Variants in RTEL1 observed in about 807,000 individuals in gnomAD.
The protein encoded by RTEL1 is regulator of telomere length.
A neutral mutation model predicts 162.2 loss-of-function variants in RTEL1; 86 were observed. The ratio of observed to expected loss-of-function variants is 0.53; its 90% CI spans 0.45 to 0.63. RTEL1 has a LOEUF of 0.63. Ranked by LOEUF, RTEL1 falls within the 30% of genes least tolerant of loss-of-function variation. The probability of loss-of-function intolerance (pLI) is 0.00; values close to 1 mark genes in which losing one functional copy is unlikely to be tolerated. For synonymous variants in RTEL1, 958 were observed against 717.9 expected, an observed-to-expected ratio of 1.33 and a Z score of -5.35; for missense variants, 1,941 against 1,750.2, an observed-to-expected ratio of 1.11 and a Z score of -1.95.
intron 26 of RTEL1, 53 bp downstream of exon 26, chr20:63,690,494 G>GGT: frequency 2.2e-6 from 3 of 1,336,826 alleles, no homozygotes; most frequent in Non-Finnish European, 3.0e-6. Flanking sequence ...AGCGGGCGGC[G>GGT]TGGGGCGGGC....
In RTEL1 at chr20:63,682,267, C is replaced by T. The variant is rs369156431; in HGVS notation, c.1191+1548C>T. On this transcript the variant is annotated intron_variant, in intron 14 of 34. Coordinates refer to ENST00000360203, the MANE Select transcript of RTEL1 (RefSeq NM_001283009.2). ...AAGACTCCACACTCTGGAACCGAAT[C>T]CTGGAACGCGGCCTCCCAGGCCCCC... The T allele has an allele frequency of 6.2e-4, 608 of 977,966 alleles. 2 individuals are homozygous for T. Among genetic ancestry groups the T allele is most frequent in the South Asian group, 1.9e-3 (39 of 20,998 alleles). 60.6% of individuals were successfully genotyped at this position (977,966 alleles called of 1,614,324 possible). A position where few individuals can be genotyped will look rare whatever the true frequency, so the allele number is the denominator to read the frequency against.
intron 22 of RTEL1, 59 bp from the exon 23 acceptor site, chr20:63,689,443 G>C: frequency 6.8e-7 from 1 of 1,465,676 alleles, no homozygotes; most frequent in South Asian, 1.4e-5. Context: ...TGGGCTGGGT[G>C]TGGGCACCAG....
rs1282351226 is a variant in RTEL1 at position 63,693,162 on chromosome 20, G to T, written c.2871G>T (p.Arg957=). ...CTACAGGCTTCTACCAGTTTGTGCG[G>T]CCCCACCATAAGCAGCAGTTTGAGG... ...NLLQGFYQFV[R]PHHKQQFEEV... The change falls in exon 30 of 35, where the codon CGG becomes CGT. Residue 957 remains arginine, a synonymous_variant. Coordinates refer to ENST00000360203, the MANE Select transcript of RTEL1 (RefSeq NM_001283009.2). 6.2e-7 allele frequency: 1 copy of T among 1,612,072 alleles called. No homozygotes were observed. Among genetic ancestry groups the T allele is most frequent in the African/African-American group, 1.3e-5 (1 of 74,854 alleles).
chr20:63,661,813 A>C lies in RTEL1; in HGVS notation c.302-37A>C. On this transcript the variant is annotated intron_variant, in intron 3 of 34. Coordinates refer to ENST00000360203, the MANE Select transcript of RTEL1 (RefSeq NM_001283009.2). This position sits in a 1 kb window ranked among gnomAD's most constrained non-coding sequence, Gnocchi z 5.1. Reference sequence around the variant, plus strand: ...CTTTGATACGTGAGAACGTTGTCTGAGAACCGTGACTTCTGTGCTTGCTTG... The same window carrying C: ...CTTTGATACGTGAGAACGTTGTCTGCGAACCGTGACTTCTGTGCTTGCTTG... 13 of 1,577,072 alleles carry C rather than the reference A, an allele frequency of 8.2e-6. No homozygotes were observed. Among genetic ancestry groups the C allele is most frequent in the Non-Finnish European group, 8.7e-6 (10 of 1,146,304 alleles).
intron 6 of RTEL1, 100 bp from the exon 7 acceptor site, chr20:63,665,904 T>A: frequency 9.0e-7 from 1 of 1,105,522 alleles, no homozygotes; most frequent in Non-Finnish European, 1.3e-6. Flanking sequence ...CGCCCAGCCC[T>A]GCCCGCCGTG....
rs2090629495 is a variant in RTEL1 at position 63,687,745 on chromosome 20, TC to T, written c.1458del (p.Ser487ProfsTer39). ...ILTSGTLAPV[S>X]SFALEMQIPF... ...TACCAGCGGCACGCTGGCCCCGGTGTCCTCCTTTGCTCTGGAGATGCAGATG... is the reference window on the plus strand; with the variant it reads ...TACCAGCGGCACGCTGGCCCCGGTGTCTCCTTTGCTCTGGAGATGCAGATG... On this transcript the variant is annotated frameshift_variant, in exon 17 of 35. Transcript: ENST00000360203. LOFTEE classifies it high-confidence loss of function. 6.3e-7 allele frequency: 1 copy of T among 1,582,834 alleles called. No homozygotes were observed. Among genetic ancestry groups the T allele is most frequent in the Non-Finnish European group, 8.6e-7 (1 of 1,165,912 alleles).
In RTEL1 at chr20:63,690,099, C is replaced by A. The variant is rs149899386; in HGVS notation, c.2154C>A (p.Ala718=). ...GGCCACCCCCCAGGTTCGCCTTTGC[C>A]GACGCAAGAGCCCAACTGCCCTCCT... The part of the protein sequence containing the change: ...VFLCDHRFAF[A]DARAQLPSWV... The change falls in exon 25 of 35, where the codon GCC becomes GCA. Residue 718 remains alanine (A), a synonymous_variant. Coordinates refer to ENST00000360203, the MANE Select transcript of RTEL1 (RefSeq NM_001283009.2). 3 of 1,611,488 alleles carry A rather than the reference C, an allele frequency of 1.9e-6. No individual in the cohort carries two copies. Among genetic ancestry groups the A allele is most frequent in the Non-Finnish European group, 2.5e-6 (3 of 1,179,724 alleles).
At chr20:63,694,643 C>G (rs1568723910) in intron 31 of RTEL1, 98 bp from the exon 32 acceptor site, 2 of 1,263,954 alleles carry the variant, frequency 1.6e-6, no homozygotes. Flanking sequence ...TTGTCCTGAG[C>G]AGCTCTCCAG....
chr20:63,686,001 C>G, intron 16 of RTEL1, 129 bp downstream of exon 16: 3 of 782,074 alleles, frequency 3.8e-6, no homozygotes, highest in Non-Finnish European at 6.4e-6. Context: ...TCTCCATATC[C>G]AGGCCAATCC....
chr20:63,659,819 A>G (rs2089982017), intron 2 of RTEL1, among the ~76,000 whole-genome samples: 2 of 152,224 alleles, frequency 1.3e-5, no homozygotes, highest in African/African-American at 4.8e-5. Flanking sequence ...CGCTCAGCAT[A>G]CAGAGGACCT....
At chr20:63,684,123 C>T (rs2090539467) in intron 14 of RTEL1, among the ~76,000 whole-genome samples, 1 of 152,182 alleles carries the variant, frequency 6.6e-6, no homozygotes. Context: ...CCAAACTGCA[C>T]TGTAGAGTGA....
intron 30 of RTEL1, 177 bp from the exon 31 acceptor site, chr20:63,694,195 C>T: frequency 1.6e-6 from 1 of 624,032 alleles, no homozygotes; most frequent in Non-Finnish European, 2.9e-6. Context: ...CAGCCCCCAT[C>T]CAGCAGGCTG....
chr20:63,690,668 C>A (rs941457340), intron 26 of RTEL1, 137 bp from the exon 27 acceptor site: 2 of 1,077,196 alleles, frequency 1.9e-6, no homozygotes, highest in Non-Finnish European at 2.6e-6. Flanking sequence ...GGCTGAGACT[C>A]CCCCCAATAG....
intron 22 of RTEL1, 84 bp downstream of exon 22, chr20:63,689,216 TG>T: frequency 1.5e-6 from 2 of 1,316,714 alleles, no homozygotes; most frequent in Non-Finnish European, 2.1e-6. Flanking sequence ...CTCTGGGCCC[TG>T]GGGGCTGCCC....
intron 22 of RTEL1, 113 bp from the exon 23 acceptor site, chr20:63,689,389 T>G: frequency 7.8e-7 from 1 of 1,283,808 alleles, no homozygotes; most frequent in South Asian, 1.5e-5. Context: ...CAGATGGAGC[T>G]TCCTCCCACC....
At chr20:63,692,467 A>G (rs2090772145) in intron 28 of RTEL1, 2 of 385,352 alleles carry the variant, frequency 5.2e-6, no homozygotes, top group Non-Finnish European at 9.7e-6. Flanking sequence ...TGGGAGCCTC[A>G]GCCGCATCCG....
Position 63,693,295 on chromosome 20 carries a change from C to T in RTEL1, c.2992+12C>T, listed in dbSNP as rs780261597. 3.4e-5 allele frequency: 55 copies of T among 1,611,264 alleles called. No individual in the cohort carries two copies. Among genetic ancestry groups the T allele is most frequent in the Non-Finnish European group, 4.0e-5 (47 of 1,179,242 alleles). ...CCTGGACCCCACTGGTAAATGGGGC[C>T]CCAGGTGGGACCCTCAGACTCCTGC... On this transcript the variant is annotated intron_variant, in intron 30 of 34. Coordinates refer to ENST00000360203, the MANE Select transcript of RTEL1 (RefSeq NM_001283009.2).
At position 63,663,003 on chromosome 20, in the gene RTEL1, C is replaced by T; in HGVS notation, c.538+114C>T. 4 of 998,976 alleles carry T rather than the reference C, an allele frequency of 4.0e-6. No individual in the cohort carries two copies. In the East Asian group the frequency reaches 7.2e-5, roughly 18 times the overall value. 61.9% of individuals were successfully genotyped at this position (998,976 alleles called of 1,614,324 possible). A position where few individuals can be genotyped will look rare whatever the true frequency, so the allele number is the denominator to read the frequency against. ...TTGCCCGGTGGGGCGGCCAGTGCGG[C>T]CATGTACCTGGGCCCTGTCTTCTGA... On this transcript the variant is annotated intron_variant, in intron 6 of 34. Coordinates refer to ENST00000360203, the MANE Select transcript of RTEL1 (RefSeq NM_001283009.2).
In RTEL1 at chr20:63,695,487, CT is replaced by C. The variant is rs1568726677; in HGVS notation, c.3660del (p.His1221MetfsTer143). Reference protein sequence around the residue: ...HGPAASEWGEPHGRDIAGQQA... With the variant: ...HGPAASEWGEXHGRDIAGQQA... ...CCTGCAGCATCTGAGTGGGGTGAGCCTCATGGGAGAGACATCGCTGGGCAGC... is the reference window on the plus strand; with the variant it reads ...CCTGCAGCATCTGAGTGGGGTGAGCCCATGGGAGAGACATCGCTGGGCAGC... On this transcript the variant is annotated frameshift_variant, in exon 34 of 35. Coordinates refer to ENST00000360203, the MANE Select transcript of RTEL1 (RefSeq NM_001283009.2). LOFTEE classifies it high-confidence loss of function. 6.2e-7 allele frequency: 1 copy of C among 1,609,164 alleles called. No individual in the cohort carries two copies. The highest frequency in any genetic ancestry group is 2.2e-5 in the East Asian group (1 of 44,858).
Sources: allele counts gnomAD v4.1 joint callset (sites outside exome capture counted in the v4.1 genomes callset), GRCh38; gene constraint gnomAD v4.1.1; non-coding constraint Gnocchi (gnomAD v3.1); transcripts MANE v1.5; gene names NCBI Gene and HGNC (gene_info 2026-07-23, HGNC 2026-07-21).